The following RNF145 variants were observed in gnomAD, a reference collection of about 807,000 sequenced individuals.
RNF145 encodes the protein ring finger protein 145.
In RNF145, 12 loss-of-function variants were observed where a neutral mutation model predicts 57.3. The observed-to-expected ratio is 0.21, with a 90% CI of 0.13 to 0.34. The LOEUF (loss-of-function observed/expected upper bound fraction) is 0.34. RNF145 is among the 10% of genes least tolerant of loss of function. The probability of loss-of-function intolerance (pLI) is 1.00; values close to 1 mark genes in which losing one functional copy is unlikely to be tolerated. For synonymous variants in RNF145, 262 were observed against 288.3 expected, an observed-to-expected ratio of 0.91 and a Z score of 0.92; for missense variants, 429 against 799.0, an observed-to-expected ratio of 0.54 and a Z score of 5.58.
At chr5:159,208,466 G>A (rs1001044204) in intron 1 of RNF145, among the ~76,000 whole-genome samples, 1 of 152,138 alleles carries the variant, frequency 6.6e-6, no homozygotes, top group East Asian at 1.9e-4. Flanking sequence ...AGTATTGGAG[G>A]GAGAAGACAG....
chr5:159,169,849 C>T, intron 6 of RNF145, 30 bp from the exon 7 acceptor site: 1 of 1,564,500 alleles, frequency 6.4e-7, no homozygotes, highest in Non-Finnish European at 8.6e-7. Context: ...AATTAACAGA[C>T]ATAAACTTTC....
chr5:159,162,826 G>A, intron 9 of RNF145, 106 bp downstream of exon 9: 1 of 805,558 alleles, frequency 1.2e-6, no homozygotes, highest in South Asian at 2.0e-5. Flanking sequence ...GTTATCACCT[G>A]AATAGTCCAC....
chr5:159,198,675 T>C (rs1464473602), intron 2 of RNF145, among the ~76,000 whole-genome samples: 2 of 152,156 alleles, frequency 1.3e-5, no homozygotes, highest in African/African-American at 4.8e-5. Flanking sequence ...TGACAACAAA[T>C]TGAAATGTCC....
At chr5:159,196,444 G>C (rs1475248252) in intron 2 of RNF145, among the ~76,000 whole-genome samples, 2 of 151,944 alleles carry the variant, frequency 1.3e-5, no homozygotes. Flanking sequence ...TGACATTCTT[G>C]GTCTTACACA....
chr5:159,162,813 G>A, intron 9 of RNF145, 119 bp downstream of exon 9: 1 of 698,172 alleles, frequency 1.4e-6, no homozygotes, highest in East Asian at 2.8e-5. Flanking sequence ...AAGAGAGAGA[G>A]AAGTTATCAC....
At chr5:159,162,904 A>AT in intron 9 of RNF145, 28 bp downstream of exon 9, 1 of 1,559,194 alleles carries the variant, frequency 6.4e-7, no homozygotes, top group South Asian at 1.2e-5. Context: ...ATTGGTTATT[A>AT]TATAGAGTTA....
Position 159,168,877 on chromosome 5 carries a change from C to A in RNF145, c.1117G>T (p.Asp373Tyr). ...PIVLALGASRDKSLWKHFRAV... is the reference protein window; with the variant it reads ...PIVLALGASRYKSLWKHFRAV... ...GAATATTAAGAGGTTTCTTACTTGT[C>A]TCTAGATGCTCCCAGTGCCAAAACA... The change falls in exon 8 of 11, where the codon GAC becomes TAC. Residue 373 changes from aspartate to tyrosine, a missense_variant. Physicochemically the swap from Asp to Tyr is radical, Grantham distance 160. Coordinates refer to ENST00000424310, the MANE Select transcript of RNF145 (RefSeq NM_001199383.2). 1 of 1,546,298 alleles carries A rather than the reference C, an allele frequency of 6.5e-7. No homozygotes were observed. The highest frequency in any genetic ancestry group is 8.7e-7 in the Non-Finnish European group (1 of 1,151,990).
chr5:159,187,902 T>TA (rs1785139004), intron 3 of RNF145, among the ~76,000 whole-genome samples: 1 of 152,200 alleles, frequency 6.6e-6, no homozygotes, highest in East Asian at 1.9e-4. Flanking sequence ...TGATTATCCA[T>TA]AGTTTACACA....
intron 8 of RNF145, among the ~76,000 whole-genome samples, chr5:159,168,014 G>A (rs553544498): frequency 2.6e-5 from 4 of 152,162 alleles, no homozygotes; most frequent in South Asian, 2.1e-4. Context: ...TCAATAATCA[G>A]AATGCAGATA....
chr5:159,204,809 A>AG (rs1335214482), intron 1 of RNF145, among the ~76,000 whole-genome samples: 3 of 142,504 alleles, frequency 2.1e-5, no homozygotes, highest in Non-Finnish European at 4.5e-5. Context: ...GTCTCAAAAA[A>AG]AAAAAAAAAA....
intron 3 of RNF145, among the ~76,000 whole-genome samples, chr5:159,187,560 C>T (rs1785116374): frequency 6.6e-6 from 1 of 152,044 alleles, no homozygotes; most frequent in African/African-American, 2.4e-5. Context: ...AATGCCTGAC[C>T]TTGTGATTCA....
intron 2 of RNF145, among the ~76,000 whole-genome samples, chr5:159,202,562 A>G (rs1227307555): frequency 6.7e-6 from 1 of 148,932 alleles, no homozygotes; most frequent in African/African-American, 2.6e-5. Flanking sequence ...TAAGTTTTAG[A>G]ACCCAGAAAG....
At chr5:159,172,209 G>A (rs1784581737) in intron 6 of RNF145, among the ~76,000 whole-genome samples, 1 of 152,098 alleles carries the variant, frequency 6.6e-6, no homozygotes, top group South Asian at 2.1e-4. Context: ...AAAGTCTTCA[G>A]GCCGGGCGTG....
At chr5:159,170,511 T>C (rs1458025527) in intron 6 of RNF145, among the ~76,000 whole-genome samples, 1 of 152,196 alleles carries the variant, frequency 6.6e-6, no homozygotes, top group Non-Finnish European at 1.5e-5. Flanking sequence ...TTGAACTTCT[T>C]AGATATTAAC....
At chr5:159,171,443 A>G (rs1179778804) in intron 6 of RNF145, among the ~76,000 whole-genome samples, 1 of 152,182 alleles carries the variant, frequency 6.6e-6, no homozygotes, top group East Asian at 1.9e-4. Flanking sequence ...ATTCAAACAG[A>G]GCACTTTCCT....
chr5:159,191,079 C>CAAAAAAAAAAAAAAAAAAAAAAAAAAAA, intron 3 of RNF145, among the ~76,000 whole-genome samples: 1 of 61,328 alleles, frequency 1.6e-5, no homozygotes, highest in Non-Finnish European at 3.4e-5. Context: ...AGCTGATGAG[C>CAAAAAAAAAAAAAAAAAAAAAAAAAAAA]AAAAAAAAAA....
chr5:159,168,841 GTTAAT>G, intron 8 of RNF145, 27 bp downstream of exon 8: 1 of 1,356,978 alleles, frequency 7.4e-7, no homozygotes, highest in Non-Finnish European at 9.8e-7. Context: ...TATTACATGA[GTTAAT>G]TTAAAGAATA....
upstream of RNF145, chr5:159,209,585 C>T (rs1786039851): frequency 2.9e-6 from 3 of 1,030,640 alleles, no homozygotes; most frequent in East Asian, 8.1e-5. Flanking sequence ...GCACTCTGCG[C>T]CTGCGCGCGG....
At chr5:159,208,093 C>G in intron 1 of RNF145, 1 of 1,462,694 alleles carries the variant, frequency 6.8e-7, no homozygotes, top group Non-Finnish European at 9.0e-7. Context: ...TGCCTGCTCA[C>G]TGCACAGGCC....
Sources: allele counts gnomAD v4.1 joint callset (sites outside exome capture counted in the v4.1 genomes callset), GRCh38; gene constraint gnomAD v4.1.1; transcripts MANE v1.5; gene names NCBI Gene and HGNC (gene_info 2026-07-23, HGNC 2026-07-21).